Variants in CMPK1 observed in about 807,000 individuals in gnomAD.
CMPK1 encodes the protein cytidine/uridine monophosphate kinase 1.
CMPK1 carries 10 observed loss-of-function variants against 25.7 expected under a neutral mutation model. The ratio of observed to expected loss-of-function variants is 0.39; its 90% CI spans 0.24 to 0.66. The LOEUF (loss-of-function observed/expected upper bound fraction) is 0.66. Among genes scored for constraint, CMPK1 ranks in the 30% least tolerant of loss-of-function variants. CMPK1 has a pLI of 0.48. For synonymous variants in CMPK1, 106 were observed against 101.5 expected (o/e 1.04, Z -0.27); for missense variants, 199 against 280.5 (o/e 0.71, Z 2.08).
rs953499994 is a variant in CMPK1, at chr1:47,377,962, T to G, written c.*1217T>G. ...CTTACTTTTTTTTCTTCTGTCACAATGCTAAGTGGTATCCGAGGTTCTTAA... is the reference window on the plus strand; with the variant it reads ...CTTACTTTTTTTTCTTCTGTCACAAGGCTAAGTGGTATCCGAGGTTCTTAA... On this transcript the variant is annotated 3_prime_UTR_variant, in exon 6 of 6. Coordinates refer to ENST00000371873, the MANE Select transcript of CMPK1 (RefSeq NM_016308.3). 4 of 152,496 alleles carry G rather than the reference T, an allele frequency of 2.6e-5. No individual in the cohort carries two copies. Among genetic ancestry groups the G allele is most frequent in the Non-Finnish European group, 5.9e-5 (4 of 68,022 alleles). The allele number at this position is 152,496 out of a possible 1,614,324, so 9.4% of individuals were successfully genotyped here. A position where few individuals can be genotyped will look rare whatever the true frequency, so the allele number is the denominator to read the frequency against.
chr1:47,348,606 G>C (rs1201286891), intron 1 of CMPK1, among the ~76,000 whole-genome samples: 6 of 152,138 alleles, frequency 3.9e-5, no homozygotes, highest in African/African-American at 1.4e-4. Flanking sequence ...TTCCATGCCT[G>C]GTTTCCATCA....
chr1:47,343,359 A>AG (rs11379501), intron 1 of CMPK1, among the ~76,000 whole-genome samples: 151,459 of 151,470 alleles, frequency 1, 75,724 homozygotes, highest in Middle Eastern at 1. Context: ...GCATTTTGGG[A>AG]GCCAAGGCGG....
intron 1 of CMPK1, among the ~76,000 whole-genome samples, chr1:47,364,172 A>C (rs1383292510): frequency 3.9e-5 from 6 of 152,160 alleles, no homozygotes. Flanking sequence ...GTTCATGGCC[A>C]AAAGAAAAAA....
chr1:47,375,295 T>TTTTTGATGAAGTTGTGCAGATTTTTG lies in CMPK1; in HGVS notation c.645+2_645+3insTTTTGATGAAGTTGTGCAGATTTTTG. On this transcript the variant is annotated splice_region_variant and intron_variant, in intron 5 of 5. Coordinates refer to ENST00000371873, the MANE Select transcript of CMPK1 (RefSeq NM_016308.3). ...GATGCTTCTAAATCTGTTGATGAAG[T>TTTTTGATGAAGTTGTGCAGATTTTTG]AAGTGTTCCTAGCCTGTCTTTAAAA... 2 of 1,543,490 alleles carry TTTTTGATGAAGTTGTGCAGATTTTTG rather than the reference T, an allele frequency of 1.3e-6. No individual in the cohort carries two copies. The highest frequency in any genetic ancestry group is 1.8e-6 in the Non-Finnish European group (2 of 1,130,284).
chr1:47,367,200 A>G (rs948001220), intron 1 of CMPK1, among the ~76,000 whole-genome samples: 8 of 152,214 alleles, frequency 5.3e-5, no homozygotes, highest in Non-Finnish European at 1.0e-4. Flanking sequence ...AAGGTCCTAT[A>G]TGACAGAGAG....
At chr1:47,359,067 C>T (rs1290653621) in intron 1 of CMPK1, among the ~76,000 whole-genome samples, 2 of 152,074 alleles carry the variant, frequency 1.3e-5, no homozygotes, top group East Asian at 3.9e-4. Flanking sequence ...ACCTGTAATC[C>T]GTGCACTTTG....
At chr1:47,363,794 T>G (rs937534672) in intron 1 of CMPK1, among the ~76,000 whole-genome samples, 1 of 150,308 alleles carries the variant, frequency 6.7e-6, no homozygotes, top group Non-Finnish European at 1.5e-5. Context: ...AATACAAATA[T>G]TAGCCAGGTG....
chr1:47,355,006 T>A (rs76445134), intron 1 of CMPK1, among the ~76,000 whole-genome samples: 1 of 152,166 alleles, frequency 6.6e-6, no homozygotes, highest in Admixed American at 6.5e-5. Context: ...TTATGAACAT[T>A]AGTTTTATAA....
chr1:47,367,023 G>C (rs548191645), intron 1 of CMPK1, among the ~76,000 whole-genome samples: 2 of 152,156 alleles, frequency 1.3e-5, no homozygotes, highest in South Asian at 4.2e-4. Context: ...ACCGCACCCA[G>C]CCTTTTTTTC....
At chr1:47,347,221 A>G (rs1194129090) in intron 1 of CMPK1, among the ~76,000 whole-genome samples, 1 of 121,578 alleles carries the variant, frequency 8.2e-6, no homozygotes, top group Non-Finnish European at 1.6e-5. Context: ...CCTTCTATTC[A>G]TTCATTCTCT....
intron 1 of CMPK1, chr1:47,358,680 TG>T (rs1231953745): frequency 1.0e-6 from 1 of 985,878 alleles, no homozygotes; most frequent in African/African-American, 1.7e-5. Flanking sequence ...TGTGATTTCA[TG>T]TAAGGTTCAG....
chr1:47,348,405 AAC>A (rs1646499956), intron 1 of CMPK1, among the ~76,000 whole-genome samples: 1 of 151,866 alleles, frequency 6.6e-6, no homozygotes, highest in African/African-American at 2.4e-5. Flanking sequence ...TTACAGACTA[AAC>A]ATGTGATAAG....
chr1:47,352,304 G>T (rs1465857034), intron 1 of CMPK1, among the ~76,000 whole-genome samples: 2 of 152,020 alleles, frequency 1.3e-5, no homozygotes, highest in African/African-American at 4.8e-5. Flanking sequence ...CTTGGTAGTG[G>T]TATTTCTTTA....
chr1:47,368,495 A>G lies in CMPK1; in HGVS notation c.198A>G (p.Ala66=), dbSNP rs1646654596. 6.2e-7 allele frequency: 1 copy of G among 1,612,800 alleles called. No homozygotes were observed. Among genetic ancestry groups the G allele is most frequent in the Non-Finnish European group, 8.5e-7 (1 of 1,179,390 alleles). ...AATATGGCTACACACACCTTTCTGC[A>G]GGAGAGCTGCTTCGTGATGAAAGGA... ...VEKYGYTHLS[A]GELLRDERKN... The change falls in exon 2 of 6, where the codon GCA becomes GCG. Residue 66 remains alanine, a synonymous_variant. Transcript: ENST00000371873.
intron 1 of CMPK1, among the ~76,000 whole-genome samples, chr1:47,355,673 C>A (rs997278691): frequency 6.6e-6 from 1 of 151,496 alleles, no homozygotes; most frequent in Non-Finnish European, 1.5e-5. Flanking sequence ...GTGGTGCAAT[C>A]TTGGCTCACT....
chr1:47,343,756 C>T (rs1245659882), intron 1 of CMPK1, among the ~76,000 whole-genome samples: 1 of 151,596 alleles, frequency 6.6e-6, no homozygotes. Flanking sequence ...TGCATGGTGG[C>T]GGGCGCCTGT....
At chr1:47,339,810 C>T (rs946322917) in intron 1 of CMPK1, among the ~76,000 whole-genome samples, 4 of 149,304 alleles carry the variant, frequency 2.7e-5, no homozygotes, top group African/African-American at 7.4e-5. Context: ...CGGGTTCAAG[C>T]GATTCTCCTC....
At position 47,355,006 on chromosome 1, in the gene CMPK1, T is replaced by C. The variant is rs76445134; in HGVS notation, c.172-13463T>C. Among the ~76,000 whole-genome samples, 792 of 152,280 alleles carry C rather than the reference T, an allele frequency of 5.2e-3. 2 individuals are homozygous for C. The highest frequency in any genetic ancestry group is 0.03 in the East Asian group (157 of 5,186). ...TATTTTATATTAATTTTATGAACAT[T>C]AGTTTTATAAAATTTTTACTTTTAA... On this transcript the variant is annotated intron_variant, in intron 1 of 5. Transcript: ENST00000371873.
chr1:47,363,227 G>A (rs1342293625), intron 1 of CMPK1, among the ~76,000 whole-genome samples: 2 of 152,184 alleles, frequency 1.3e-5, no homozygotes, highest in Non-Finnish European at 2.9e-5. Flanking sequence ...CATCATAAAT[G>A]AGGAGTGTAC....
Sources: gnomAD v4.1 joint callset for allele counts (sites outside exome capture counted in the v4.1 genomes callset) on GRCh38, gnomAD v4.1.1 for gene constraint, MANE v1.5 for transcripts, NCBI Gene and HGNC (gene_info 2026-07-23, HGNC 2026-07-21) for gene names.